Variants in SLCO1B1 observed in about 807,000 individuals in gnomAD.
The protein encoded by SLCO1B1 is solute carrier organic anion transporter family member 1B1.
Under a neutral mutation model 70.1 loss-of-function variants are expected in SLCO1B1, and 81 were observed. The observed-to-expected ratio is 1.16, with a 90% CI of 0.97 to 1.39. SLCO1B1 has a LOEUF of 1.39. Among genes scored for constraint, SLCO1B1 ranks in the 40% most tolerant of loss-of-function variants. SLCO1B1 has a pLI of 0.00. For missense variants in SLCO1B1, 895 were observed against 799.6 expected (o/e 1.12, Z -1.44); for synonymous variants, 283 against 271.5 (o/e 1.04, Z -0.42).
intron 13 of SLCO1B1, among the ~76,000 whole-genome samples, 165 bp downstream of exon 13, chr12:21,222,529 C>T (rs1328735845): frequency 3.4e-5 from 5 of 148,396 alleles, no homozygotes; most frequent in Admixed American, 6.8e-5. Flanking sequence ...AAATTAGTAT[C>T]CTTTCTATTT....
chr12:21,221,831 T>C (rs1941426743), intron 12 of SLCO1B1, among the ~76,000 whole-genome samples: 2 of 152,134 alleles, frequency 1.3e-5, no homozygotes, highest in African/African-American at 4.8e-5. Flanking sequence ...ACAACCTTTA[T>C]GAAAAACAAT....
chr12:21,205,768 C>A, intron 10 of SLCO1B1, 100 bp from the exon 11 acceptor site: 2 of 835,912 alleles, frequency 2.4e-6, no homozygotes, highest in South Asian at 2.0e-5. Context: ...CTTTTTTTCC[C>A]TCTTTCTCTG....
intron 2 of SLCO1B1, among the ~76,000 whole-genome samples, chr12:21,151,078 C>T (rs1226553324): frequency 2.0e-5 from 3 of 152,144 alleles, no homozygotes; most frequent in African/African-American, 7.2e-5. Flanking sequence ...TACTACACAC[C>T]TAAGCTTATG....
At chr12:21,228,032 AAGAC>A (rs1178131121) in intron 14 of SLCO1B1, among the ~76,000 whole-genome samples, 1 of 152,070 alleles carries the variant, frequency 6.6e-6, no homozygotes, top group African/African-American at 2.4e-5. Context: ...ATGCATATAT[AAGAC>A]AGACATATTA....
chr12:21,169,687 T>C (rs982987825), intron 2 of SLCO1B1, among the ~76,000 whole-genome samples: 1 of 152,190 alleles, frequency 6.6e-6, no homozygotes, highest in Admixed American at 6.5e-5. Context: ...TAATTTCAAG[T>C]TCTATGTCTG....
At chr12:21,213,199 G>A (rs1416531959) in intron 11 of SLCO1B1, among the ~76,000 whole-genome samples, 1 of 152,098 alleles carries the variant, frequency 6.6e-6, no homozygotes, top group African/African-American at 2.4e-5. Flanking sequence ...GCAGTGGCTG[G>A]TACCAGTTGT....
At chr12:21,175,504 G>A (rs1285646754) in intron 4 of SLCO1B1, among the ~76,000 whole-genome samples, 8 of 152,106 alleles carry the variant, frequency 5.3e-5, no homozygotes, top group Non-Finnish European at 1.5e-5. Flanking sequence ...AATTACTGTG[G>A]AAGGAAAGAA....
intron 2 of SLCO1B1, among the ~76,000 whole-genome samples, chr12:21,159,253 A>T (rs984490354): frequency 1.3e-5 from 2 of 152,166 alleles, no homozygotes; most frequent in Non-Finnish European, 2.9e-5. Flanking sequence ...TATTAAAAAC[A>T]AAACTTGCCA....
At chr12:21,219,775 T>A (rs991412056) in intron 12 of SLCO1B1, among the ~76,000 whole-genome samples, 11 of 152,196 alleles carry the variant, frequency 7.2e-5, no homozygotes, top group Non-Finnish European at 1.3e-4. Flanking sequence ...ATTTATTTAT[T>A]TTTGAGAGAC....
At chr12:21,188,839 A>G (rs1400341139) in intron 7 of SLCO1B1, among the ~76,000 whole-genome samples, 1 of 151,510 alleles carries the variant, frequency 6.6e-6, no homozygotes, top group African/African-American at 2.4e-5. Context: ...TTACTGTTTT[A>G]TGTTCCTCAC....
intron 12 of SLCO1B1, 55 bp from the exon 13 acceptor site, chr12:21,222,245 T>C: frequency 1.1e-6 from 1 of 877,254 alleles, no homozygotes; most frequent in East Asian, 3.0e-5. Context: ...TTAATGTTGT[T>C]TCGTTTTGAT....
At chr12:21,180,146 A>G (rs536099372) in intron 7 of SLCO1B1, among the ~76,000 whole-genome samples, 4 of 152,214 alleles carry the variant, frequency 2.6e-5, no homozygotes, top group South Asian at 2.1e-4. Context: ...CTAAAGCACA[A>G]TATGTCAAAA....
chr12:21,172,259 C>A (rs985721980), intron 2 of SLCO1B1, among the ~76,000 whole-genome samples: 6 of 152,098 alleles, frequency 3.9e-5, no homozygotes, highest in African/African-American at 1.2e-4. Context: ...GGAAATGCTG[C>A]CTTTGAGAAT....
intron 2 of SLCO1B1, among the ~76,000 whole-genome samples, chr12:21,156,044 A>G (rs543350945): frequency 6.6e-6 from 1 of 152,208 alleles, no homozygotes; most frequent in South Asian, 2.1e-4. Context: ...ACAAAAAATA[A>G]TAAAATAGCC....
rs187613893 is a variant in SLCO1B1, at chr12:21,134,172, A to G, written c.-62+2936A>G. Among the ~76,000 whole-genome samples, 410 of 152,350 alleles carry G rather than the reference A, an allele frequency of 2.7e-3. 1 individual carries two copies. The highest frequency in any genetic ancestry group is 4.2e-3 in the Non-Finnish European group (289 of 68,030). ...GTATGTTGAACCAGCCTTGCATCCC[A>G]GGGATGAATCCCACTTGGTCATGTT... On this transcript the variant is annotated intron_variant, in intron 1 of 14. Transcript: ENST00000256958.
At chr12:21,131,860 A>C (rs1940139232) in intron 1 of SLCO1B1, among the ~76,000 whole-genome samples, 2 of 152,070 alleles carry the variant, frequency 1.3e-5, no homozygotes, top group South Asian at 2.1e-4. Flanking sequence ...ATTATACTTT[A>C]AGTTTTAGGG....
chr12:21,174,524 C>T, intron 3 of SLCO1B1, 53 bp from the exon 4 acceptor site: 1 of 1,586,022 alleles, frequency 6.3e-7, no homozygotes, highest in Non-Finnish European at 8.6e-7. Flanking sequence ...GTTTTCAATT[C>T]TAGACGCAAA....
intron 9 of SLCO1B1, 33 bp downstream of exon 9, chr12:21,200,705 A>T: frequency 6.3e-7 from 1 of 1,580,824 alleles, no homozygotes; most frequent in Non-Finnish European, 8.7e-7. Context: ...GTGCTTAATA[A>T]GTGAAATAAT....
At chr12:21,161,201 C>T (rs1312077012) in intron 2 of SLCO1B1, among the ~76,000 whole-genome samples, 1 of 152,110 alleles carries the variant, frequency 6.6e-6, no homozygotes, top group Non-Finnish European at 1.5e-5. Context: ...ACTATAAAGA[C>T]ACAGGCATGT....
Sources: gnomAD v4.1 joint callset for allele counts (sites outside exome capture counted in the v4.1 genomes callset) on GRCh38, gnomAD v4.1.1 for gene constraint, MANE v1.5 for transcripts, NCBI Gene and HGNC (gene_info 2026-07-23, HGNC 2026-07-21) for gene names.